RIMBP2: variants seen among roughly 807,000 people sequenced by gnomAD.
RIMBP2 encodes the protein RIMS binding protein 2.
Under a neutral mutation model 118.6 loss-of-function variants are expected in RIMBP2, and 48 were observed. The observed-to-expected ratio is 0.40, with a 90% confidence interval of 0.32 to 0.51. The LOEUF (loss-of-function observed/expected upper bound fraction) is 0.51. RIMBP2 is among the 20% of genes least tolerant of loss of function. The pLI is 0.41. For synonymous variants in RIMBP2, 762 were observed against 742.9 expected (o/e 1.03, Z -0.42); for missense variants, 1,551 against 1,768.3 (o/e 0.88, Z 2.20).
rs1413107322 is a variant in RIMBP2, at chr12:130,434,886, A to G, written c.2107-6T>C. ...AAGACGCTCCTTTTCTCTAACTTGG[A>G]AAGAAAAAGGAGGCACACGGGTGAG... On this transcript the variant is annotated splice_region_variant and splice_polypyrimidine_tract_variant and intron_variant, in intron 13 of 22. Transcript: ENST00000690449. This position sits in a 1 kb window ranked among gnomAD's most constrained non-coding sequence, Gnocchi z 5.7. The G allele has an allele frequency of 6.2e-7, 1 of 1,601,450 alleles. No homozygotes were observed. Among genetic ancestry groups the G allele is most frequent in the Non-Finnish European group, 8.5e-7 (1 of 1,173,874 alleles).
At chr12:130,619,342 T>C (rs1532026) in intron 2 of RIMBP2, among the ~76,000 whole-genome samples, 117,634 of 152,138 alleles carry the variant, frequency 0.77, 46,934 homozygotes, top group East Asian at 1. Flanking sequence ...AAAACCAACC[T>C]CTGGAGCTCA....
chr12:130,560,192 A>G (rs2056706088), intron 2 of RIMBP2, among the ~76,000 whole-genome samples: 1 of 152,198 alleles, frequency 6.6e-6, no homozygotes. Flanking sequence ...TATTTCCCCC[A>G]CCATATTCAG....
rs190622204 is a variant in RIMBP2 at position 130,450,755 on chromosome 12, C to T, written c.504+440G>A. Among the ~76,000 whole-genome samples, 9 of 152,074 alleles carry T rather than the reference C, an allele frequency of 5.9e-5. No homozygotes were observed. The East Asian group carries it at 1.8e-3, about 30-fold the overall frequency. On this transcript the variant is annotated intron_variant, in intron 8 of 22. Transcript: ENST00000690449. The surrounding 1 kb of genome is among the most constrained non-coding windows in gnomAD (Gnocchi z 4.8). ...TTAACAGCTTTCAGTGGCTTCACCT[C>T]GGACTCAGACAAAAAGCCAAACGCT...
intron 1 of RIMBP2, among the ~76,000 whole-genome samples, chr12:130,691,117 T>C (rs2065289755): frequency 6.6e-6 from 1 of 152,124 alleles, no homozygotes; most frequent in Non-Finnish European, 1.5e-5. Flanking sequence ...GGATGAGATG[T>C]AAAGGGAGAA....
intron 2 of RIMBP2, among the ~76,000 whole-genome samples, chr12:130,616,178 C>T (rs567418468): frequency 1.2e-4 from 18 of 152,284 alleles, no homozygotes; most frequent in African/African-American, 3.1e-4. Context: ...GAGCTGTTCA[C>T]GGTGTCCCCT....
chr12:130,436,361 G>C (rs2077515451), intron 13 of RIMBP2, among the ~76,000 whole-genome samples: 1 of 152,150 alleles, frequency 6.6e-6, no homozygotes, highest in South Asian at 2.1e-4. Context: ...ATATACATGA[G>C]GGTGCATACA....
intron 4 of RIMBP2, among the ~76,000 whole-genome samples, chr12:130,486,722 A>AAC (rs2082518832): frequency 7.0e-6 from 1 of 142,618 alleles, no homozygotes; most frequent in African/African-American, 2.6e-5. Flanking sequence ...AAAAAAAAAA[A>AAC]CCTCCCAATT....
At chr12:130,601,425 G>A (rs1479707584) in intron 2 of RIMBP2, among the ~76,000 whole-genome samples, 2 of 151,180 alleles carry the variant, frequency 1.3e-5, no homozygotes, top group African/African-American at 2.4e-5. Flanking sequence ...CTGGGTTGTG[G>A]TATATCCATC....
chr12:130,655,961 C>A (rs996162630), intron 1 of RIMBP2, among the ~76,000 whole-genome samples: 1 of 152,200 alleles, frequency 6.6e-6, no homozygotes, highest in Admixed American at 6.5e-5. Flanking sequence ...CTGGTGGGAG[C>A]GCTGTCCTGG....
chr12:130,431,364 G>A lies in RIMBP2; in HGVS notation c.2254-3027C>T. 5.6e-6 allele frequency: 2 copies of A among 357,432 alleles called. No individual in the cohort carries two copies. Among genetic ancestry groups the A allele is most frequent in the Non-Finnish European group, 5.9e-6 (1 of 169,910 alleles). The allele number at this position is 357,432 out of a possible 1,614,324, so 22.1% of individuals were successfully genotyped here. A position where few individuals can be genotyped will look rare whatever the true frequency, so the allele number is the denominator to read the frequency against. ...CGGATGGTCAGGGAACACTTCCCGGGTTGTAAAACTGGCAGTCTGTGCACC... is the reference window on the plus strand; with the variant it reads ...CGGATGGTCAGGGAACACTTCCCGGATTGTAAAACTGGCAGTCTGTGCACC... On this transcript the variant is annotated intron_variant, in intron 14 of 22. Coordinates refer to ENST00000690449, the MANE Select transcript of RIMBP2 (RefSeq NM_001393629.1). This position sits in a 1 kb window ranked among gnomAD's most constrained non-coding sequence, Gnocchi z 4.0.
At chr12:130,668,214 A>C (rs2136423228) in intron 1 of RIMBP2, 1 of 152,342 alleles carries the variant, frequency 6.6e-6, no homozygotes, top group African/African-American at 2.4e-5. Flanking sequence ...ATTGAGAGCA[A>C]GTTCAAAGCG....
At chr12:130,549,107 G>A (rs2055476930) in intron 2 of RIMBP2, among the ~76,000 whole-genome samples, 1 of 152,152 alleles carries the variant, frequency 6.6e-6, no homozygotes, top group African/African-American at 2.4e-5. Flanking sequence ...AGACATAGGG[G>A]ATTTTATTCA....
At position 130,420,020 on chromosome 12, in the gene RIMBP2, T is replaced by C. The variant is rs2076317342; in HGVS notation, c.3238+2433A>G. Reference sequence around the variant, plus strand: ...GGAAGTGTATGGTTTACAGACTTAATTTCCTCTGAAAAAGATAAGTAATCC... The same window carrying C: ...GGAAGTGTATGGTTTACAGACTTAACTTCCTCTGAAAAAGATAAGTAATCC... On this transcript the variant is annotated intron_variant, in intron 17 of 22. Coordinates refer to ENST00000690449, the MANE Select transcript of RIMBP2 (RefSeq NM_001393629.1). The surrounding 1 kb of genome is among the most constrained non-coding windows in gnomAD (Gnocchi z 4.3). Among the ~76,000 whole-genome samples, 1 of 152,224 alleles carries C rather than the reference T, an allele frequency of 6.6e-6. No homozygotes were observed. The highest frequency in any genetic ancestry group is 2.4e-5 in the African/African-American group (1 of 41,456).
chr12:130,422,767 A>C lies in RIMBP2; in HGVS notation c.3130-206T>G, dbSNP rs940975265. 6.6e-6 allele frequency among the ~76,000 whole-genome samples: 1 copy of C among 152,200 alleles called. No homozygotes were observed. The highest frequency in any genetic ancestry group is 2.4e-5 in the African/African-American group (1 of 41,458). ...TCTACTCGGAGCCGCTGCTGGGCGCATGGTGGGGTGAGGGCAAAAATAATT... is the reference window on the plus strand; with the variant it reads ...TCTACTCGGAGCCGCTGCTGGGCGCCTGGTGGGGTGAGGGCAAAAATAATT... On this transcript the variant is annotated intron_variant, in intron 16 of 22. Transcript: ENST00000690449. The surrounding 1 kb of genome is among the most constrained non-coding windows in gnomAD (Gnocchi z 5.2).
rs768124737 is a variant in RIMBP2, at chr12:130,406,612, A to G, written c.3694-369T>C. Among the ~76,000 whole-genome samples the G allele has an allele frequency of 6.5e-4, 99 of 152,348 alleles. 1 individual carries two copies. The highest frequency in any genetic ancestry group is 1.0e-3 in the Admixed American group (16 of 15,302). On this transcript the variant is annotated intron_variant, in intron 20 of 22. Transcript: ENST00000690449. ...AGGACCATTACGTAAATATCCTTTCACTGAGTATTTTAAAACCTACTCAAT... is the reference window on the plus strand; with the variant it reads ...AGGACCATTACGTAAATATCCTTTCGCTGAGTATTTTAAAACCTACTCAAT...
intron 6 of RIMBP2, 40 bp downstream of exon 6, chr12:130,470,653 T>TCCCCCAC: frequency 8.3e-7 from 1 of 1,198,298 alleles, no homozygotes; most frequent in Non-Finnish European, 1.0e-6. Context: ...CTCCCCAACG[T>TCCCCCAC]CCCCCACCCC....
chr12:130,532,937 G>T (rs774627137), intron 2 of RIMBP2, among the ~76,000 whole-genome samples: 469 of 123,658 alleles, frequency 3.8e-3, no homozygotes, highest in African/African-American at 0.013. Context: ...CCTCTAGGAG[G>T]GACGTCTAAT....
At position 130,422,657 on chromosome 12, in the gene RIMBP2, GTAAAGGCAAC is replaced by G. The variant is rs1270221364; in HGVS notation, c.3130-106_3130-97del. The G allele has an allele frequency of 7.0e-6, 6 of 857,264 alleles. No homozygotes were observed. Among genetic ancestry groups the G allele is most frequent in the African/African-American group, 1.7e-5 (1 of 59,374 alleles). 53.1% of individuals were successfully genotyped at this position (857,264 alleles called of 1,614,324 possible). Reference sequence around the variant, plus strand: ...TCAAGCGGGTTGAAAAGCAGAATCTGTAAAGGCAACTAAACTTAGCTTTTAACTGAAAGGT... The same window carrying G: ...TCAAGCGGGTTGAAAAGCAGAATCTGTAAACTTAGCTTTTAACTGAAAGGT... On this transcript the variant is annotated intron_variant, in intron 16 of 22. Transcript: ENST00000690449. This position sits in a 1 kb window ranked among gnomAD's most constrained non-coding sequence, Gnocchi z 5.2.
intron 2 of RIMBP2, among the ~76,000 whole-genome samples, chr12:130,560,329 C>T (rs991933797): frequency 6.6e-5 from 10 of 152,188 alleles, no homozygotes; most frequent in Admixed American, 2.0e-4. Context: ...TCGGGGGTCT[C>T]GGTTCCAGGG....
Sources: gnomAD v4.1 joint callset for allele counts (sites outside exome capture counted in the v4.1 genomes callset) on GRCh38, gnomAD v4.1.1 for gene constraint, Gnocchi (gnomAD v3.1) non-coding constraint, MANE v1.5 for transcripts, NCBI Gene and HGNC (gene_info 2026-07-23, HGNC 2026-07-21) for gene names.